The following TMEM182 variants were observed in gnomAD, a reference collection of about 807,000 sequenced individuals.
TMEM182 encodes the protein transmembrane protein 182.
In TMEM182, 20 loss-of-function variants were observed where a neutral mutation model predicts 26.8. That is an observed-to-expected ratio of 0.75 (90% confidence interval 0.53 to 1.09). The LOEUF (loss-of-function observed/expected upper bound fraction) is 1.09, where lower values mean the gene tolerates loss of function less well. TMEM182 is among the 50% of genes least tolerant of loss of function. The probability of loss-of-function intolerance (pLI) is 0.00; values close to 1 mark genes in which losing one functional copy is unlikely to be tolerated. For missense variants in TMEM182, 277 were observed against 275.5 expected (o/e 1.01, Z -0.04); for synonymous variants, 109 against 102.2 (o/e 1.07, Z -0.40).
chr2:102,812,883 A>G (rs933674202), intron 4 of TMEM182, among the ~76,000 whole-genome samples: 2 of 152,232 alleles, frequency 1.3e-5, no homozygotes, highest in African/African-American at 2.4e-5. Flanking sequence ...AACAGGCAAC[A>G]CTGTCTATAT....
intron 1 of TMEM182, among the ~76,000 whole-genome samples, chr2:102,746,968 G>A (rs1268399450): frequency 6.6e-6 from 1 of 152,240 alleles, no homozygotes; most frequent in Middle Eastern, 3.4e-3. Context: ...TTTCTTTAAC[G>A]AATGTTTTAC....
intron 1 of TMEM182, among the ~76,000 whole-genome samples, chr2:102,755,816 T>C (rs1680014976): frequency 6.6e-6 from 1 of 152,170 alleles, no homozygotes; most frequent in African/African-American, 2.4e-5. Flanking sequence ...TTAAACTGAT[T>C]TGATTGTTGA....
chr2:102,777,688 G>A (rs1473254142), intron 3 of TMEM182, among the ~76,000 whole-genome samples: 1 of 151,484 alleles, frequency 6.6e-6, no homozygotes, highest in Non-Finnish European at 1.5e-5. Context: ...TTCCTACATA[G>A]ATAATCATGT....
intron 1 of TMEM182, among the ~76,000 whole-genome samples, chr2:102,753,280 A>G (rs968311270): frequency 6.6e-6 from 1 of 152,032 alleles, no homozygotes; most frequent in Non-Finnish European, 1.5e-5. Flanking sequence ...TACATAGCAA[A>G]CCCTTTTGCA....
intron 3 of TMEM182, among the ~76,000 whole-genome samples, chr2:102,783,969 A>G (rs1681279021): frequency 7.0e-6 from 1 of 143,706 alleles, no homozygotes; most frequent in Non-Finnish European, 1.6e-5. Context: ...CGAGACACTC[A>G]TCTTACCCTG....
At chr2:102,790,114 A>G (rs1681573617) in intron 3 of TMEM182, among the ~76,000 whole-genome samples, 1 of 152,242 alleles carries the variant, frequency 6.6e-6, no homozygotes, top group African/African-American at 2.4e-5. Context: ...TCTTCTGGGG[A>G]AAAGAACTTG....
At chr2:102,814,051 AATGTTTTCTCT>A (rs1682653297) in intron 4 of TMEM182, among the ~76,000 whole-genome samples, 2 of 151,370 alleles carry the variant, frequency 1.3e-5, no homozygotes, top group Non-Finnish European at 2.9e-5. Context: ...TATTCAAGAC[AATGTTTTCTCT>A]ATGCTGTAAT....
At chr2:102,743,227 A>C (rs1308502986) in intron 1 of TMEM182, among the ~76,000 whole-genome samples, 1 of 152,230 alleles carries the variant, frequency 6.6e-6, no homozygotes, top group Non-Finnish European at 1.5e-5. Context: ...GTCTTAAATT[A>C]GTTGTAAATG....
chr2:102,772,574 G>T (rs1573514831), intron 3 of TMEM182, among the ~76,000 whole-genome samples: 1 of 152,138 alleles, frequency 6.6e-6, no homozygotes, highest in Admixed American at 6.5e-5. Context: ...AGATGCTGTA[G>T]AGTGTTTAGC....
At chr2:102,758,026 A>G (rs551202965), upstream of TMEM182, among the ~76,000 whole-genome samples, 7 of 152,288 alleles carry the variant, frequency 4.6e-5, no homozygotes, top group East Asian at 1.2e-3. Flanking sequence ...TTCCAATCTG[A>G]CATGAGATTT....
At chr2:102,755,207 G>A (rs945688711) in intron 1 of TMEM182, among the ~76,000 whole-genome samples, 7 of 152,192 alleles carry the variant, frequency 4.6e-5, no homozygotes, top group Admixed American at 3.9e-4. Context: ...AGGTCACAGA[G>A]CTTTTCAAAT....
chr2:102,783,045 A>G (rs146456857), intron 3 of TMEM182, among the ~76,000 whole-genome samples: 18 of 152,314 alleles, frequency 1.2e-4, no homozygotes, highest in African/African-American at 4.1e-4. Context: ...TGTCTTATGG[A>G]AAGCAAAGTG....
chr2:102,804,023 G>A (rs1682254097), intron 4 of TMEM182, among the ~76,000 whole-genome samples: 1 of 152,228 alleles, frequency 6.6e-6, no homozygotes, highest in Non-Finnish European at 1.5e-5. Context: ...TGAGAGATCT[G>A]GGCTATAAAT....
At chr2:102,764,020 G>A (rs1194330400) in intron 2 of TMEM182, among the ~76,000 whole-genome samples, 1 of 152,106 alleles carries the variant, frequency 6.6e-6, no homozygotes, top group Non-Finnish European at 1.5e-5. Context: ...GGGTACTGGA[G>A]AGTATGTGAA....
At chr2:102,827,269 A>C (rs926175292) in intron 3 of TMEM182, among the ~76,000 whole-genome samples, 7 of 152,332 alleles carry the variant, frequency 4.6e-5, no homozygotes, top group African/African-American at 1.7e-4. Context: ...TTCTTTTTGT[A>C]TAATTTCTCT....
upstream of TMEM182, chr2:102,757,314 A>T (rs1275991322): frequency 1.3e-5 from 2 of 152,154 alleles, no homozygotes; most frequent in Non-Finnish European, 2.9e-5. Flanking sequence ...ACATTTAGGA[A>T]ATTAACATTG....
chr2:102,759,595 T>C (rs1376410814), upstream of TMEM182, among the ~76,000 whole-genome samples: 1 of 152,220 alleles, frequency 6.6e-6, no homozygotes. Context: ...TTGCATTAAT[T>C]ATAGAATAGC....
chr2:102,774,287 G>A (rs181276417), intron 3 of TMEM182, among the ~76,000 whole-genome samples: 10 of 115,802 alleles, frequency 8.6e-5, no homozygotes, highest in East Asian at 5.0e-4. Flanking sequence ...ACAGAATCTC[G>A]TCCTGTAGCC....
rs1681134499 is a variant in TMEM182 at position 102,780,769 on chromosome 2, T to C, written c.331+16342T>C. Among the ~76,000 whole-genome samples the C allele has an allele frequency of 2.6e-5, 4 of 152,306 alleles. No individual in the cohort carries two copies. The South Asian group carries it at 8.3e-4, about 32-fold the overall frequency. On this transcript the variant is annotated intron_variant, in intron 3 of 4. Transcript: ENST00000412401. ...GTTACAAACTGTGGAGGAGAAAGTGTACACTCTCAGTTTTTGCTTGTAGCG... is the reference window on the plus strand; with the variant it reads ...GTTACAAACTGTGGAGGAGAAAGTGCACACTCTCAGTTTTTGCTTGTAGCG...
Sources: gnomAD v4.1 joint callset for allele counts (sites outside exome capture counted in the v4.1 genomes callset) on GRCh38, gnomAD v4.1.1 for gene constraint, MANE v1.5 for transcripts, NCBI Gene and HGNC (gene_info 2026-07-23, HGNC 2026-07-21) for gene names.